Variants in OCA2 observed in about 807,000 individuals in gnomAD.
OCA2 encodes OCA2 melanosomal transmembrane protein.
Under a neutral mutation model 100.2 loss-of-function variants are expected in OCA2, and 77 were observed. That is an observed-to-expected ratio of 0.77 (90% CI 0.64 to 0.93). OCA2 has a LOEUF of 0.93. OCA2 is among the 40% of genes least tolerant of loss of function. The pLI, the probability that OCA2 is intolerant of heterozygous loss-of-function variation, is 0.00. For missense variants in OCA2, 1,062 were observed against 1,089.1 expected (o/e 0.98, Z 0.35); for synonymous variants, 432 against 439.2 (o/e 0.98, Z 0.21).
At chr15:27,844,149 C>T (rs1411348531) in intron 23 of OCA2, among the ~76,000 whole-genome samples, 8 of 152,306 alleles carry the variant, frequency 5.3e-5, no homozygotes, top group Middle Eastern at 3.4e-3. Context: ...GGCCCCAGCG[C>T]GGACTCAGCT....
rs1448322318 is a variant in OCA2 at position 28,043,533 on chromosome 15, G to A, written c.228-11370C>T. Among the ~76,000 whole-genome samples the A allele has an allele frequency of 6.6e-6, 1 of 152,154 alleles. No individual in the cohort carries two copies. The highest frequency in any genetic ancestry group is 1.5e-5 in the Non-Finnish European group (1 of 68,026). On this transcript the variant is annotated intron_variant, in intron 2 of 23. Coordinates refer to ENST00000354638, the MANE Select transcript of OCA2 (RefSeq NM_000275.3). The surrounding 1 kb of genome is among the most constrained non-coding windows in gnomAD (Gnocchi z 4.4). ...GGCTTAAGTAATTCCTCAGACATAA[G>A]GATGCAATCCTTCCTTTTCAAAGCA... is the stretch of plus-strand genomic sequence containing the variant.
chr15:28,011,286 A>G (rs974319147), intron 9 of OCA2, among the ~76,000 whole-genome samples: 1 of 152,124 alleles, frequency 6.6e-6, no homozygotes, highest in African/African-American at 2.4e-5. Context: ...GCAACATAGC[A>G]AGACCCTGAT....
At chr15:27,896,139 C>A in intron 19 of OCA2, 1 of 984,342 alleles carries the variant, frequency 1.0e-6, no homozygotes, top group Non-Finnish European at 1.6e-6. Flanking sequence ...GGATGCAGGC[C>A]TTGCCAGAAC....
chr15:27,990,827 C>A (rs966048578), intron 9 of OCA2, among the ~76,000 whole-genome samples, 180 bp from the exon 10 acceptor site: 2 of 152,214 alleles, frequency 1.3e-5, no homozygotes, highest in African/African-American at 4.8e-5. Flanking sequence ...CAGCTACCAC[C>A]AACGTGCCAT....
intron 23 of OCA2, among the ~76,000 whole-genome samples, chr15:27,837,561 A>G (rs1304618043): frequency 2.0e-5 from 3 of 152,214 alleles, no homozygotes; most frequent in Non-Finnish European, 2.9e-5. Context: ...GATAATTTTC[A>G]TGAAAAAGAG....
chr15:27,767,871 C>T (rs1595374741), intron 23 of OCA2, among the ~76,000 whole-genome samples: 1 of 152,238 alleles, frequency 6.6e-6, no homozygotes, highest in Non-Finnish European at 1.5e-5. Flanking sequence ...CACACTAAAT[C>T]TTGCTGTTGC....
chr15:27,756,071 T>C (rs1713739416), intron 23 of OCA2, among the ~76,000 whole-genome samples: 2 of 152,238 alleles, frequency 1.3e-5, no homozygotes. Flanking sequence ...GCATCCCTCA[T>C]TGTGTGCCTC....
chr15:27,894,596 T>G (rs2037608485), intron 19 of OCA2, among the ~76,000 whole-genome samples: 2 of 152,160 alleles, frequency 1.3e-5, no homozygotes, highest in Non-Finnish European at 2.9e-5. Context: ...CAGGTGTGAT[T>G]GTATATATCT....
chr15:27,922,447 G>C (rs2038891375), intron 19 of OCA2, among the ~76,000 whole-genome samples: 1 of 152,194 alleles, frequency 6.6e-6, no homozygotes, highest in Non-Finnish European at 1.5e-5. Context: ...CAGTAGCACA[G>C]TATGTACCAC....
chr15:27,838,280 C>T (rs982430261), intron 23 of OCA2, among the ~76,000 whole-genome samples: 2 of 152,144 alleles, frequency 1.3e-5, no homozygotes, highest in Middle Eastern at 3.4e-3. Context: ...AGAAAAACAC[C>T]AAATCATGTA....
chr15:27,926,686 G>C (rs151016010), intron 18 of OCA2, among the ~76,000 whole-genome samples: 1 of 152,188 alleles, frequency 6.6e-6, no homozygotes, highest in Non-Finnish European at 1.5e-5. Context: ...CTGCAGTTCA[G>C]CTCACTGCAA....
intron 23 of OCA2, among the ~76,000 whole-genome samples, chr15:27,788,098 AT>A (rs1355992884): frequency 1.3e-5 from 2 of 151,872 alleles, no homozygotes; most frequent in African/African-American, 4.8e-5. Context: ...ACTTTGTATA[AT>A]TTCAGTCTTT....
chr15:27,766,590 C>T (rs905118708), intron 23 of OCA2, among the ~76,000 whole-genome samples: 2 of 152,302 alleles, frequency 1.3e-5, no homozygotes, highest in South Asian at 2.1e-4. Context: ...AAATGTCTCT[C>T]TGGAAGCCTC....
chr15:27,752,494 T>C (rs2150964669), downstream of OCA2, among the ~76,000 whole-genome samples: 1 of 152,236 alleles, frequency 6.6e-6, no homozygotes, highest in South Asian at 2.1e-4. Flanking sequence ...TCTTCAGAAG[T>C]GGACTTTTCA....
chr15:27,772,644 C>A (rs1323903370), intron 23 of OCA2, among the ~76,000 whole-genome samples: 1 of 151,876 alleles, frequency 6.6e-6, no homozygotes, highest in East Asian at 1.9e-4. Context: ...AGATCAAGAC[C>A]ATCCTGGCTA....
At chr15:27,999,074 A>G (rs1173887886) in intron 9 of OCA2, among the ~76,000 whole-genome samples, 55 of 150,494 alleles carry the variant, frequency 3.7e-4, no homozygotes, top group African/African-American at 1.3e-3. Flanking sequence ...GGGGAGGGAT[A>G]GCATTAGGAG....
At chr15:27,773,563 C>A (rs1239344470) in intron 23 of OCA2, among the ~76,000 whole-genome samples, 1 of 152,180 alleles carries the variant, frequency 6.6e-6, no homozygotes, top group African/African-American at 2.4e-5. Context: ...TTACATCAGG[C>A]ATTTTGTGTG....
intron 16 of OCA2, among the ~76,000 whole-genome samples, chr15:27,955,819 C>T (rs950205842): frequency 6.6e-6 from 1 of 152,202 alleles, no homozygotes; most frequent in South Asian, 2.1e-4. Context: ...GGTCTCCTCC[C>T]GCCTGTTTCA....
At chr15:27,997,082 G>GAGAGAAAGAAAGAC (rs1555370282) in intron 9 of OCA2, among the ~76,000 whole-genome samples, 1 of 124,376 alleles carries the variant, frequency 8.0e-6, no homozygotes, top group African/African-American at 3.3e-5. Context: ...GGGAGAAAGA[G>GAGAGAAAGAAAGAC]AGAGAAAGAA....
Sources: allele counts gnomAD v4.1 joint callset (sites outside exome capture counted in the v4.1 genomes callset), GRCh38; gene constraint gnomAD v4.1.1; non-coding constraint Gnocchi (gnomAD v3.1); transcripts MANE v1.5; gene names NCBI Gene and HGNC (gene_info 2026-07-23, HGNC 2026-07-21).